The following MAGI2 variants were observed in gnomAD, a reference collection of about 807,000 sequenced individuals.
The protein encoded by MAGI2 is membrane-associated guanylate kinase, WW and PDZ domain-containing protein 2.
In MAGI2, 35 loss-of-function variants were observed where a neutral mutation model predicts 133.3. The observed-to-expected ratio is 0.26, with a 90% CI of 0.20 to 0.35. The LOEUF (loss-of-function observed/expected upper bound fraction) is 0.35. Among genes scored for constraint, MAGI2 ranks in the 10% least tolerant of loss-of-function variants. The probability of loss-of-function intolerance (pLI) is 1.00; values close to 1 mark genes in which losing one functional copy is unlikely to be tolerated. For synonymous variants in MAGI2, 729 were observed against 710.6 expected, an observed-to-expected ratio of 1.03 and a Z score of -0.41; for missense variants, 1,636 against 1,863.4, an observed-to-expected ratio of 0.88 and a Z score of 2.25.
chr7:79,228,575 G>T (rs1418023860), intron 1 of MAGI2, among the ~76,000 whole-genome samples: 1 of 152,022 alleles, frequency 6.6e-6, no homozygotes, highest in East Asian at 1.9e-4. Context: ...AGTTTTATGT[G>T]ATGCTGGCTA....
At chr7:78,657,682 T>C (rs189101085) in intron 2 of MAGI2, among the ~76,000 whole-genome samples, 1 of 152,208 alleles carries the variant, frequency 6.6e-6, no homozygotes, top group African/African-American at 2.4e-5. Flanking sequence ...AGGCAGAGCA[T>C]ATGTGATTTT....
chr7:78,058,628 C>T (rs537338298), intron 21 of MAGI2, among the ~76,000 whole-genome samples: 113 of 152,146 alleles, frequency 7.4e-4, no homozygotes, highest in African/African-American at 2.6e-3. Flanking sequence ...CCTGCCACCA[C>T]GCCCAGCTAA....
In MAGI2 at chr7:79,171,770, A is replaced by ATATATATATTTTTTTT; in HGVS notation, c.302-164565_302-164564insAAAAAAAATATATATA. ...TATATATATATATATATATATATAT[A>ATATATATATTTTTTTT]TTTTTTTTTTTTTTTTCTTTTAAAG... On this transcript the variant is annotated intron_variant, in intron 1 of 21. Transcript: ENST00000354212. 2.5e-3 allele frequency among the ~76,000 whole-genome samples: 79 copies of ATATATATATTTTTTTT among 31,202 alleles called. 1 individual carries two copies. Among genetic ancestry groups the ATATATATATTTTTTTT allele is most frequent in the Non-Finnish European group, 4.8e-3 (43 of 8,994 alleles). 20.5% of individuals were successfully genotyped at this position (31,202 alleles called of 152,430 possible).
chr7:78,285,998 C>T (rs982717868), intron 9 of MAGI2, among the ~76,000 whole-genome samples: 4 of 152,118 alleles, frequency 2.6e-5, no homozygotes, highest in African/African-American at 7.2e-5. Flanking sequence ...CCTTATGTAT[C>T]ATGCTCTAGA....
At chr7:78,100,294 AAT>A (rs1169782823) in intron 20 of MAGI2, among the ~76,000 whole-genome samples, 3 of 152,130 alleles carry the variant, frequency 2.0e-5, no homozygotes, top group African/African-American at 7.2e-5. Flanking sequence ...GCACAATCTG[AAT>A]CATACAACCC....
chr7:78,837,028 T>C (rs535957159), intron 2 of MAGI2, among the ~76,000 whole-genome samples: 87 of 152,314 alleles, frequency 5.7e-4, no homozygotes, highest in African/African-American at 2.0e-3. Context: ...ATAAACAAAT[T>C]CATTTCGTTT....
At chr7:78,055,874 A>G (rs945099217) in intron 21 of MAGI2, among the ~76,000 whole-genome samples, 19 of 152,158 alleles carry the variant, frequency 1.2e-4, no homozygotes, top group African/African-American at 4.6e-4. Flanking sequence ...AAGGGGGGCA[A>G]TCCTCTGAAG....
At chr7:78,735,372 T>A (rs17151403) in intron 2 of MAGI2, among the ~76,000 whole-genome samples, 20,027 of 152,108 alleles carry the variant, frequency 0.13, 1,566 homozygotes, top group East Asian at 0.23. Flanking sequence ...TATTCCAGGA[T>A]ACAACAACAG....
chr7:78,447,633 G>A (rs944278704), intron 6 of MAGI2, among the ~76,000 whole-genome samples: 3 of 152,000 alleles, frequency 2.0e-5, no homozygotes, highest in Admixed American at 2.0e-4. Flanking sequence ...AGCTCACCTG[G>A]GGACACAAAC....
At chr7:78,344,600 A>G (rs1187088850) in intron 8 of MAGI2, among the ~76,000 whole-genome samples, 1 of 152,250 alleles carries the variant, frequency 6.6e-6, no homozygotes, top group Non-Finnish European at 1.5e-5. Flanking sequence ...ATTGTGAGAT[A>G]CTATAAAGAT....
chr7:79,119,241 T>C (rs1223871020), intron 1 of MAGI2, among the ~76,000 whole-genome samples: 1 of 152,178 alleles, frequency 6.6e-6, no homozygotes, highest in African/African-American at 2.4e-5. Context: ...GTTCATAACC[T>C]GAATTTATTA....
chr7:78,615,135 T>G (rs1806938467), intron 3 of MAGI2: 1 of 152,086 alleles, frequency 6.6e-6, no homozygotes, highest in African/African-American at 2.4e-5. Context: ...CATCCCCACA[T>G]CTCCCTAACC....
intron 1 of MAGI2, among the ~76,000 whole-genome samples, chr7:79,355,015 A>G (rs911052003): frequency 1.3e-5 from 2 of 152,204 alleles, no homozygotes; most frequent in Non-Finnish European, 2.9e-5. Context: ...GGAATACCAC[A>G]GGGCATTGGC....
At chr7:78,719,507 T>C (rs904401954) in intron 2 of MAGI2, among the ~76,000 whole-genome samples, 11 of 152,234 alleles carry the variant, frequency 7.2e-5, no homozygotes, top group African/African-American at 2.7e-4. Context: ...GAGTGAGTGA[T>C]AGAAACCACT....
At chr7:79,157,858 T>G (rs116180520) in intron 1 of MAGI2, among the ~76,000 whole-genome samples, 3 of 149,794 alleles carry the variant, frequency 2.0e-5, no homozygotes, top group South Asian at 4.2e-4. Context: ...AAGTTTTTTT[T>G]TTTTTTTTTT....
chr7:79,217,221 T>C (rs1203911457), intron 1 of MAGI2, among the ~76,000 whole-genome samples: 1 of 152,052 alleles, frequency 6.6e-6, no homozygotes, highest in Admixed American at 6.5e-5. Flanking sequence ...TGATAAAGGA[T>C]AGAAAGATCA....
intron 20 of MAGI2, among the ~76,000 whole-genome samples, chr7:78,116,688 A>G (rs1819898453): frequency 6.6e-6 from 1 of 152,014 alleles, no homozygotes; most frequent in African/African-American, 2.4e-5. Flanking sequence ...AGACCAGCCT[A>G]GGCAACGTGG....
At chr7:78,209,424 A>G (rs10251449) in intron 10 of MAGI2, among the ~76,000 whole-genome samples, 118,712 of 149,776 alleles carry the variant, frequency 0.79, 47,267 homozygotes, top group East Asian at 0.95. Context: ...ATCACGCCCC[A>G]CTAAAATTTG....
At chr7:79,223,951 A>G (rs1160828907) in intron 1 of MAGI2, among the ~76,000 whole-genome samples, 1 of 152,018 alleles carries the variant, frequency 6.6e-6, no homozygotes, top group Admixed American at 6.5e-5. Flanking sequence ...CTTCCCAGTG[A>G]AATCTATTTA....
Sources: allele counts gnomAD v4.1 joint callset (sites outside exome capture counted in the v4.1 genomes callset), GRCh38; gene constraint gnomAD v4.1.1; transcripts MANE v1.5; gene names NCBI Gene and HGNC (gene_info 2026-07-23, HGNC 2026-07-21).